The following CAMSAP2 variants were observed in gnomAD, a reference collection of about 807,000 sequenced individuals.
CAMSAP2 encodes calmodulin regulated spectrin associated protein family member 2, also known as calmodulin-regulated spectrin-associated protein 2.
In CAMSAP2, 26 loss-of-function variants were observed where a neutral mutation model predicts 146.1. The observed-to-expected ratio is 0.18, with a 90% CI of 0.13 to 0.25. CAMSAP2 has a LOEUF of 0.25. CAMSAP2 is among the 10% of genes least tolerant of loss of function. The probability of loss-of-function intolerance (pLI) is 1.00; values close to 1 mark genes in which losing one functional copy is unlikely to be tolerated. For synonymous variants in CAMSAP2, 499 were observed against 596.6 expected (o/e 0.84, Z 2.38); for missense variants, 1,381 against 1,759.3 (o/e 0.78, Z 3.85).
At chr1:200,759,705 A>G (rs905920257) in intron 1 of CAMSAP2, among the ~76,000 whole-genome samples, 3 of 152,174 alleles carry the variant, frequency 2.0e-5, no homozygotes, top group Non-Finnish European at 4.4e-5. Flanking sequence ...CTTTCTAGAG[A>G]GAAGGCAGGT....
At position 200,847,707 on chromosome 1, in the gene CAMSAP2, A is replaced by C; in HGVS notation, c.1260A>C (p.Lys420Asn). ...DGFIGTWPKEKRSSVHGVSFD... is the reference protein window; with the variant it reads ...DGFIGTWPKENRSSVHGVSFD... ...TCATAGGGACATGGCCCAAAGAGAA[A>C]AGGTAAACAAAGAGAATTACTTTTA... Residue 420 changes from lysine (K) to asparagine (N), a missense_variant and splice_region_variant, in exon 10 of 17, where the codon AAA becomes AAC. This residue lies in a region of CAMSAP2 where 447 missense variants were observed against 462.2 expected (regional missense o/e 0.97). Transcript: ENST00000358823. 1 of 1,607,820 alleles carries C rather than the reference A, an allele frequency of 6.2e-7. No homozygotes were observed. Among genetic ancestry groups the C allele is most frequent in the Non-Finnish European group, 8.5e-7 (1 of 1,174,990 alleles).
chr1:200,766,294 C>T (rs943219428), intron 2 of CAMSAP2, among the ~76,000 whole-genome samples: 1 of 151,920 alleles, frequency 6.6e-6, no homozygotes, highest in Non-Finnish European at 1.5e-5. Context: ...CAGACGTGCA[C>T]CACCCCACCT....
intron 2 of CAMSAP2, among the ~76,000 whole-genome samples, chr1:200,806,773 C>G (rs61827522): frequency 0.067 from 4,785 of 71,930 alleles, 101 homozygotes; most frequent in Middle Eastern, 0.1. Context: ...GTGTATCTAT[C>G]TATCTATCTA....
intron 3 of CAMSAP2, 100 bp from the exon 4 acceptor site, chr1:200,815,461 T>C: frequency 1.9e-6 from 1 of 520,762 alleles, no homozygotes. Context: ...ACATCAGGGC[T>C]CTGACTATAG....
rs1381759529 is a variant in CAMSAP2 at position 200,850,211 on chromosome 1, G to C, written c.3442G>C (p.Val1148Leu). The C allele has an allele frequency of 6.3e-7, 1 of 1,588,862 alleles. No homozygotes were observed. The highest frequency in any genetic ancestry group is 2.2e-5 in the East Asian group (1 of 44,754). ...DKEQFDDDQK[V>L]CCGFFFKDDQ... Reference sequence around the variant, plus strand: ...AGAACAATTTGATGATGACCAGAAAGTATGCTGTGGATTCTTTTTTAAGGT... The same window carrying C: ...AGAACAATTTGATGATGACCAGAAACTATGCTGTGGATTCTTTTTTAAGGT... Residue 1148 changes from valine (V) to leucine (L), a missense_variant, in exon 11 of 17, where the codon GTA becomes CTA. Around this residue, in one of 4 missense-constraint regions of CAMSAP2, gnomAD observed 560 missense variants for 715.9 expected, o/e 0.78. Coordinates refer to ENST00000358823, the MANE Select transcript of CAMSAP2 (RefSeq NM_203459.4).
rs1272814644 is a variant in CAMSAP2, at chr1:200,807,433, A to G, written c.457A>G (p.Ser153Gly). Residue 153 changes from serine (S) to glycine (G), a missense_variant, in exon 3 of 17, where the codon AGT (serine) becomes GGT (glycine). Physicochemically the swap from Ser to Gly is moderately conservative, Grantham distance 56. Transcript: ENST00000358823. ...GATGGCTTATACTGTAGAAATGGTCAGTATAGAAAAAGTAATTGCGTGTGC... is the reference window on the plus strand; with the variant it reads ...GATGGCTTATACTGTAGAAATGGTCGGTATAGAAAAAGTAATTGCGTGTGC... ...LMMAYTVEMV[S>G]IEKVIACAQQ... The G allele has an allele frequency of 1.2e-6, 2 of 1,607,856 alleles. No homozygotes were observed. Among genetic ancestry groups the G allele is most frequent in the African/African-American group, 2.7e-5 (2 of 74,672 alleles).
chr1:200,789,474 AGATC>A (rs775043392), intron 2 of CAMSAP2, among the ~76,000 whole-genome samples: 8 of 151,940 alleles, frequency 5.3e-5, no homozygotes, highest in Non-Finnish European at 8.8e-5. Context: ...TCTTTGTCAG[AGATC>A]AGTTGACTTT....
intron 2 of CAMSAP2, among the ~76,000 whole-genome samples, chr1:200,798,879 C>T (rs12404541): frequency 3.4e-5 from 5 of 145,870 alleles, no homozygotes; most frequent in East Asian, 2.1e-4. Context: ...TAGCATGAAG[C>T]GTTGTTGAAT....
chr1:200,802,110 C>G (rs1485305058), intron 2 of CAMSAP2, among the ~76,000 whole-genome samples: 2 of 152,168 alleles, frequency 1.3e-5, no homozygotes, highest in East Asian at 3.8e-4. Flanking sequence ...ATAAGAATGT[C>G]TTTGGATTGG....
chr1:200,848,987 C>G lies in CAMSAP2; in HGVS notation c.2218C>G (p.Arg740Gly). ...IPEETGLPQG[R>G]DTTQLLASEM... Reference sequence around the variant, plus strand: ...AGAAGAAACAGGGCTTCCACAGGGACGGGACACTACCCAGCTGTTGGCCTC... The same window carrying G: ...AGAAGAAACAGGGCTTCCACAGGGAGGGGACACTACCCAGCTGTTGGCCTC... Residue 740 changes from arginine to glycine, a missense_variant, in exon 11 of 17, where the codon CGG (arginine) becomes GGG (glycine). By Grantham distance (125) the Arg-to-Gly change is moderately radical. Transcript: ENST00000358823. 1 of 1,614,054 alleles carries G rather than the reference C, an allele frequency of 6.2e-7. No individual in the cohort carries two copies.
intron 1 of CAMSAP2, among the ~76,000 whole-genome samples, chr1:200,741,472 G>A (rs1226124142): frequency 6.6e-6 from 1 of 152,190 alleles, no homozygotes; most frequent in Non-Finnish European, 1.5e-5. Context: ...TATCTATTTG[G>A]ATGGCAAATC....
At chr1:200,819,683 A>G (rs1666696702) in intron 4 of CAMSAP2, among the ~76,000 whole-genome samples, 1 of 152,142 alleles carries the variant, frequency 6.6e-6, no homozygotes. Context: ...TAAATTCTGT[A>G]ATTAAAAAGA....
Position 200,763,813 on chromosome 1 carries a change from C to T in CAMSAP2, c.399+2715C>T, listed in dbSNP as rs144412681. Among the ~76,000 whole-genome samples the T allele has an allele frequency of 1.9e-3, 291 of 152,256 alleles. 1 individual carries two copies. The highest frequency in any genetic ancestry group is 6.8e-3 in the African/African-American group (282 of 41,538). On this transcript the variant is annotated intron_variant, in intron 2 of 16. Coordinates refer to ENST00000358823, the MANE Select transcript of CAMSAP2 (RefSeq NM_203459.4). ...GTTTTTGGCTGGGCGTGGTGGCTCG[C>T]GCCTGTAATCCCAGCACTTTAGGAG... is the stretch of plus-strand genomic sequence containing the variant.
chr1:200,761,092 A>T lies in CAMSAP2; in HGVS notation c.393A>T (p.Ile131=), dbSNP rs547040916. The T allele has an allele frequency of 2.5e-5, 40 of 1,614,064 alleles. 2 individuals are homozygous for T. The South Asian group carries it at 4.4e-4, about 18-fold the overall frequency. Residue 131 remains isoleucine, a synonymous_variant, in exon 2 of 17, where the codon ATA becomes ATT. Coordinates refer to ENST00000358823, the MANE Select transcript of CAMSAP2 (RefSeq NM_203459.4). ...AACGAGATCTCCACAAGAAACCCAT[A>T]CAGATGGTGAGTCTTTATATACCCA... ...VTERDLHKKP[I]QMSAHLAMID... is the part of the protein sequence containing the mutation.
At chr1:200,789,879 A>G (rs1031728682) in intron 2 of CAMSAP2, among the ~76,000 whole-genome samples, 1 of 152,152 alleles carries the variant, frequency 6.6e-6, no homozygotes, top group Non-Finnish European at 1.5e-5. Context: ...TTTTAGATTT[A>G]TACTTAGTAT....
intron 4 of CAMSAP2, among the ~76,000 whole-genome samples, chr1:200,816,279 C>A (rs1164756093): frequency 2.2e-5 from 3 of 136,230 alleles, no homozygotes; most frequent in Non-Finnish European, 3.2e-5. Context: ...CAGAGCGAGA[C>A]TCCATCTCAA....
intron 4 of CAMSAP2, among the ~76,000 whole-genome samples, chr1:200,823,585 A>C (rs1440640990): frequency 2.0e-5 from 3 of 152,218 alleles, no homozygotes; most frequent in African/African-American, 4.8e-5. Context: ...TTTTTTGAGA[A>C]GACTACCAGA....
chr1:200,841,409 G>A (rs1465781147), intron 6 of CAMSAP2, among the ~76,000 whole-genome samples: 1 of 152,096 alleles, frequency 6.6e-6, no homozygotes, highest in Non-Finnish European at 1.5e-5. Context: ...ACCACACCCG[G>A]CTAGTTTTTT....
intron 6 of CAMSAP2, among the ~76,000 whole-genome samples, chr1:200,839,910 A>G (rs1282021424): frequency 6.6e-6 from 1 of 152,250 alleles, no homozygotes; most frequent in African/African-American, 2.4e-5. Flanking sequence ...GATGAGAGCC[A>G]CTGCATAGCC....
Sources: gnomAD v4.1 joint callset for allele counts (sites outside exome capture counted in the v4.1 genomes callset) on GRCh38, gnomAD v4.1.1 for gene constraint, gnomAD v4.1.1 regional missense constraint, MANE v1.5 for transcripts, NCBI Gene and HGNC (gene_info 2026-07-23, HGNC 2026-07-21) for gene names.